CHD1L: variants seen among roughly 807,000 people sequenced by gnomAD.
CHD1L encodes chromodomain helicase DNA binding protein 1 like.
Under a neutral mutation model 115.9 loss-of-function variants are expected in CHD1L, and 118 were observed. The ratio of observed to expected loss-of-function variants is 1.02; its 90% CI spans 0.88 to 1.19. The LOEUF (loss-of-function observed/expected upper bound fraction) is 1.19. Ranked by LOEUF, CHD1L falls within the 50% of genes most tolerant of loss-of-function variation. The pLI is 0.00. For missense variants in CHD1L, 1,179 were observed against 1,065.3 expected (o/e 1.11, Z -1.49); for synonymous variants, 411 against 387.1 (o/e 1.06, Z -0.72).
the CHD1L span, chr1:147,213,161 C>G: frequency 1.5e-6 from 1 of 667,446 alleles, no homozygotes; most frequent in Admixed American, 3.9e-5. Context: ...TACAAGTTAC[C>G]CCAACATCCT....
chr1:147,256,382 T>C (rs1256446272), intron 4 of CHD1L, 149 bp from the exon 5 acceptor site: 1 of 692,864 alleles, frequency 1.4e-6, no homozygotes, highest in African/African-American at 1.8e-5. Flanking sequence ...TGGCGCTACT[T>C]AGAAATTATT....
intron 20 of CHD1L, among the ~76,000 whole-genome samples, chr1:147,292,159 A>G (rs1685784470): frequency 6.6e-6 from 1 of 152,182 alleles, no homozygotes; most frequent in South Asian, 2.1e-4. Flanking sequence ...AGTACCCTAC[A>G]TAGTACTAGC....
the CHD1L span, among the ~76,000 whole-genome samples, chr1:147,177,427 T>G: frequency 6.6e-6 from 1 of 152,120 alleles, no homozygotes; most frequent in Non-Finnish European, 1.5e-5. Context: ...TCCAAAAAAT[T>G]TATGTACTCT....
At chr1:147,280,841 CTTA>C (rs1273662674) in intron 15 of CHD1L, among the ~76,000 whole-genome samples, 1 of 152,170 alleles carries the variant, frequency 6.6e-6, no homozygotes, top group Non-Finnish European at 1.5e-5. Context: ...TTTGAAATGA[CTTA>C]TTTTTCTGTA....
intron 1 of CHD1L, among the ~76,000 whole-genome samples, chr1:147,245,715 A>G (rs1369297059): frequency 3.5e-5 from 5 of 144,508 alleles, no homozygotes; most frequent in East Asian, 4.0e-4. Context: ...TTTTTGAGAT[A>G]AGGTCTCACT....
At chr1:147,283,881 C>T (rs904723679) in intron 15 of CHD1L, among the ~76,000 whole-genome samples, 68 of 152,246 alleles carry the variant, frequency 4.5e-4, no homozygotes, top group African/African-American at 1.6e-3. Context: ...ATGACGAAGA[C>T]GCTTGATGAG....
chr1:147,244,576 T>C (rs1215625753), intron 1 of CHD1L, among the ~76,000 whole-genome samples: 3 of 152,168 alleles, frequency 2.0e-5, no homozygotes, highest in Non-Finnish European at 2.9e-5. Flanking sequence ...AATATTAATC[T>C]CCATAATCTC....
At chr1:147,225,167 C>T in the CHD1L span, 1 of 1,517,702 alleles carries the variant, frequency 6.6e-7, no homozygotes, top group Admixed American at 2.0e-5. Flanking sequence ...CAAGAGGTGT[C>T]TTGAGGAGGA....
At chr1:147,233,401 C>T in the CHD1L span, among the ~76,000 whole-genome samples, 6 of 150,682 alleles carry the variant, frequency 4.0e-5, no homozygotes, top group South Asian at 2.1e-4. Context: ...CCCGGCCAGC[C>T]GCCCCGTCCG....
chr1:147,203,463 G>T, the CHD1L span: 1 of 828,670 alleles, frequency 1.2e-6, no homozygotes. Context: ...TTACAGCAGG[G>T]ACTACAGCCT....
At chr1:147,195,356 C>T in the CHD1L span, among the ~76,000 whole-genome samples, 2 of 152,172 alleles carry the variant, frequency 1.3e-5, no homozygotes, top group Admixed American at 6.5e-5. Context: ...TGGTCTCGAA[C>T]TCCTGACCTC....
the CHD1L span, among the ~76,000 whole-genome samples, chr1:147,177,382 C>G: frequency 1.3e-5 from 2 of 152,082 alleles, no homozygotes; most frequent in African/African-American, 2.4e-5. Context: ...ATTGAAGAAA[C>G]AAATAATTGG....
the CHD1L span, among the ~76,000 whole-genome samples, chr1:147,229,683 A>C: frequency 2.2e-4 from 34 of 152,054 alleles, no homozygotes; most frequent in East Asian, 3.9e-3. Context: ...CTTTTATTTC[A>C]TTGAGCAGTG....
At chr1:147,233,079 G>A in the CHD1L span, among the ~76,000 whole-genome samples, 37 of 149,040 alleles carry the variant, frequency 2.5e-4, no homozygotes, top group Admixed American at 2.1e-3. Flanking sequence ...GCCGCCCATC[G>A]TCTGAGATGT....
Position 147,276,179 on chromosome 1 carries a change from G to A in CHD1L, c.1461G>A (p.Leu487=). The change falls in exon 14 of 23, where the codon CTG becomes CTA. Residue 487 remains leucine, a synonymous_variant. Coordinates refer to ENST00000369258, the MANE Select transcript of CHD1L (RefSeq NM_004284.6). The stretch of plus-strand genomic sequence containing the variant: ...TCTATAGGAAAGCAGCCTCCAAACT[G>A]CAGCTCACCAACATGATCATAGAAG... ...EIVYRKAASK[L]QLTNMIIEGG... 2 of 1,614,132 alleles carry A rather than the reference G, an allele frequency of 1.2e-6. No individual in the cohort carries two copies. The highest frequency in any genetic ancestry group is 1.7e-6 in the Non-Finnish European group (2 of 1,179,974).
upstream of CHD1L, among the ~76,000 whole-genome samples, chr1:147,237,992 G>A (rs189423431): frequency 3.9e-5 from 6 of 152,106 alleles, no homozygotes; most frequent in Non-Finnish European, 7.3e-5. Flanking sequence ...ATTCTCTGAG[G>A]TGACTGGGCA....
chr1:147,249,293 A>G (rs1571610388), intron 1 of CHD1L, among the ~76,000 whole-genome samples: 1 of 151,542 alleles, frequency 6.6e-6, no homozygotes, highest in Admixed American at 6.6e-5. Context: ...TTGCATTTGA[A>G]TAGTTTTTCC....
intron 6 of CHD1L, among the ~76,000 whole-genome samples, chr1:147,262,891 A>T (rs1672467559): frequency 6.6e-6 from 1 of 152,184 alleles, no homozygotes; most frequent in Admixed American, 6.5e-5. Context: ...CTCCTACATT[A>T]ACACTTTAAT....
chr1:147,273,513 A>G (rs1171475056), intron 12 of CHD1L, among the ~76,000 whole-genome samples: 1 of 152,202 alleles, frequency 6.6e-6, no homozygotes, highest in Admixed American at 6.5e-5. Flanking sequence ...CTCTTCCAAG[A>G]TCATAGACTG....
Sources: gnomAD v4.1 joint callset for allele counts (sites outside exome capture counted in the v4.1 genomes callset) on GRCh38, gnomAD v4.1.1 for gene constraint, MANE v1.5 for transcripts, NCBI Gene and HGNC (gene_info 2026-07-23, HGNC 2026-07-21) for gene names.